KIF6: variants seen among roughly 807,000 people sequenced by gnomAD.
The protein encoded by KIF6 is kinesin-like protein KIF6.
Under a neutral mutation model 112.7 loss-of-function variants are expected in KIF6, and 106 were observed. The ratio of observed to expected loss-of-function variants is 0.94; its 90% CI spans 0.80 to 1.11. The LOEUF (loss-of-function observed/expected upper bound fraction) is 1.11. Among genes scored for constraint, KIF6 ranks in the 50% least tolerant of loss-of-function variants. KIF6 has a pLI of 0.00. For synonymous variants in KIF6, 339 were observed against 339.9 expected (o/e 1.00, Z 0.03); for missense variants, 929 against 964.0 (o/e 0.96, Z 0.48).
chr6:39,476,703 G>A (rs1659262504), intron 13 of KIF6, among the ~76,000 whole-genome samples: 1 of 152,150 alleles, frequency 6.6e-6, no homozygotes, highest in African/African-American at 2.4e-5. Flanking sequence ...AAAGAGGTGT[G>A]GGATTCTTCT....
Position 39,334,104 on chromosome 6 carries a change from T to C in KIF6, c.*2428A>G, listed in dbSNP as rs1762830113. 1 of 152,302 alleles carries C rather than the reference T, an allele frequency of 6.6e-6. No individual in the cohort carries two copies. Among genetic ancestry groups the C allele is most frequent in the African/African-American group, 2.4e-5 (1 of 41,482 alleles). The allele number at this position is 152,302 out of a possible 1,614,324, so 9.4% of individuals were successfully genotyped here. ...CCTTGGCCAGTTGCTGCACACACTT[T>C]GCATATGCTCTGGACACCAGTGGCC... is the stretch of plus-strand genomic sequence containing the variant. On this transcript the variant is annotated 3_prime_UTR_variant, in exon 23 of 23. Transcript: ENST00000287152.
intron 5 of KIF6, among the ~76,000 whole-genome samples, chr6:39,625,090 G>A (rs186637700): frequency 2.8e-5 from 4 of 145,156 alleles, no homozygotes; most frequent in African/African-American, 7.6e-5. Context: ...TGCAAGCCAG[G>A]AAGAGAGCCC....
At chr6:39,692,922 G>A (rs949122111) in intron 3 of KIF6, among the ~76,000 whole-genome samples, 3 of 152,034 alleles carry the variant, frequency 2.0e-5, no homozygotes, top group African/African-American at 7.2e-5. Flanking sequence ...CTGCTAGTTA[G>A]GATAGAAATG....
At chr6:39,446,011 T>G (rs1772287870) in intron 13 of KIF6, among the ~76,000 whole-genome samples, 1 of 152,150 alleles carries the variant, frequency 6.6e-6, no homozygotes, top group Non-Finnish European at 1.5e-5. Context: ...TTTCCCTCCC[T>G]CCTTCAGATG....
At chr6:39,439,237 A>G (rs1288773083) in intron 13 of KIF6, among the ~76,000 whole-genome samples, 4 of 152,210 alleles carry the variant, frequency 2.6e-5, no homozygotes, top group Non-Finnish European at 1.5e-5. Context: ...AAAGACATAC[A>G]TTTTATCTTC....
In KIF6 at chr6:39,357,260, G is replaced by A; in HGVS notation, c.2180+17C>T. Reference sequence around the variant, plus strand: ...TTTTCTGGGAACTCTAACACCTCCGGTGAGTTCTCACCTTACCTTTTGTTA... The same window carrying A: ...TTTTCTGGGAACTCTAACACCTCCGATGAGTTCTCACCTTACCTTTTGTTA... On this transcript the variant is annotated intron_variant, in intron 19 of 22. Transcript: ENST00000287152. 1.3e-6 allele frequency: 2 copies of A among 1,563,196 alleles called. No individual in the cohort carries two copies. Among genetic ancestry groups the A allele is most frequent in the Non-Finnish European group, 1.8e-6 (2 of 1,137,194 alleles).
At chr6:39,723,779 G>T (rs1380385937) in intron 1 of KIF6, among the ~76,000 whole-genome samples, 2 of 152,140 alleles carry the variant, frequency 1.3e-5, no homozygotes, top group Admixed American at 6.5e-5. Flanking sequence ...AGCATTAGGA[G>T]AAATACCTAA....
chr6:39,643,570 G>A (rs907887481), intron 3 of KIF6, among the ~76,000 whole-genome samples: 1 of 152,108 alleles, frequency 6.6e-6, no homozygotes. Flanking sequence ...TTCAATGGAG[G>A]AAAGAATGGT....
chr6:39,673,025 A>G (rs964406187), intron 3 of KIF6, among the ~76,000 whole-genome samples: 2 of 152,224 alleles, frequency 1.3e-5, no homozygotes, highest in Non-Finnish European at 2.9e-5. Flanking sequence ...AGCCAGAATC[A>G]TAGCCAAACC....
At chr6:39,389,100 A>T (rs1767656663) in intron 15 of KIF6, among the ~76,000 whole-genome samples, 1 of 152,170 alleles carries the variant, frequency 6.6e-6, no homozygotes, top group African/African-American at 2.4e-5. Context: ...TATGACCGCG[A>T]GCAGGGTATG....
intron 3 of KIF6, among the ~76,000 whole-genome samples, chr6:39,708,545 C>T (rs1789347492): frequency 6.6e-6 from 1 of 152,154 alleles, no homozygotes; most frequent in South Asian, 2.1e-4. Flanking sequence ...GTCCTCCTGC[C>T]AGTGCACATT....
Position 39,335,511 on chromosome 6 carries a change from T to C in KIF6, c.*1021A>G, listed in dbSNP as rs1762881754. The C allele has an allele frequency of 6.6e-6, 1 of 152,174 alleles. No individual in the cohort carries two copies. The highest frequency in any genetic ancestry group is 2.4e-5 in the African/African-American group (1 of 41,434). 9.4% of individuals were successfully genotyped at this position (152,174 alleles called of 1,614,324 possible). ...CCAGGGTCATCAGGTCCTGTATTTA[T>C]AGGACAGAGACACCAGGAGCAGTGG... On this transcript the variant is annotated 3_prime_UTR_variant, in exon 23 of 23. Coordinates refer to ENST00000287152, the MANE Select transcript of KIF6 (RefSeq NM_145027.6).
chr6:39,673,410 G>A (rs559639858), intron 3 of KIF6, among the ~76,000 whole-genome samples: 20 of 152,264 alleles, frequency 1.3e-4, no homozygotes, highest in African/African-American at 4.3e-4. Context: ...ATTACAAGTG[G>A]TAAGTTAACA....
chr6:39,420,020 T>A lies in KIF6; in HGVS notation c.1755-17A>T. On this transcript the variant is annotated splice_polypyrimidine_tract_variant and intron_variant, in intron 14 of 22. Coordinates refer to ENST00000287152, the MANE Select transcript of KIF6 (RefSeq NM_145027.6). ...TCAGAAAATCTGGAGGGGAAAAAAA[T>A]GAAAATTGTAGTTTTTCTGTTCATC... The A allele has an allele frequency of 6.3e-7, 1 of 1,593,512 alleles. No individual in the cohort carries two copies. Among genetic ancestry groups the A allele is most frequent in the East Asian group, 2.2e-5 (1 of 44,784 alleles).
At chr6:39,479,324 GCCAATTATTCCAGCA>G (rs939896371) in intron 13 of KIF6, among the ~76,000 whole-genome samples, 3 of 152,248 alleles carry the variant, frequency 2.0e-5, no homozygotes, top group Non-Finnish European at 4.4e-5. Context: ...CACGTGGCTT[GCCAATTATTCCAGCA>G]CCATTTGTTG....
At chr6:39,385,754 C>CAAA (rs1353820724) in intron 15 of KIF6, 82 bp from the exon 16 acceptor site, 19 of 394,882 alleles carry the variant, frequency 4.8e-5, no homozygotes, top group African/African-American at 2.2e-4. Context: ...TGGCAAGCTA[C>CAAA]AGAAAAAAAA....
intron 3 of KIF6, among the ~76,000 whole-genome samples, chr6:39,654,168 C>G (rs535316096): frequency 1.1e-4 from 16 of 152,138 alleles, no homozygotes; most frequent in Admixed American, 1.3e-4. Context: ...GACAGTCAGT[C>G]ATATTTACTG....
intron 13 of KIF6, among the ~76,000 whole-genome samples, chr6:39,535,784 C>G (rs1778383787): frequency 1.3e-5 from 2 of 152,072 alleles, no homozygotes; most frequent in Non-Finnish European, 2.9e-5. Context: ...CACACCACAC[C>G]TATTCCAAAA....
intron 13 of KIF6, among the ~76,000 whole-genome samples, chr6:39,454,847 C>T (rs898278845): frequency 3.9e-5 from 6 of 152,172 alleles, no homozygotes; most frequent in Non-Finnish European, 8.8e-5. Flanking sequence ...GACTATATCC[C>T]ACACCTGGCT....
Sources: gnomAD v4.1 joint callset for allele counts (sites outside exome capture counted in the v4.1 genomes callset) on GRCh38, gnomAD v4.1.1 for gene constraint, MANE v1.5 for transcripts, NCBI Gene and HGNC (gene_info 2026-07-23, HGNC 2026-07-21) for gene names.